HEMK2: variants seen among roughly 807,000 people sequenced by gnomAD.
HEMK2 encodes methyltransferase HEMK2.
At chr21:28,878,176 A>T in the HEMK2 span, 1 of 1,521,240 alleles carries the variant, frequency 6.6e-7, no homozygotes, top group South Asian at 1.2e-5. Flanking sequence ...TTAAACAATA[A>T]ATTGGTCTGT....
the HEMK2 span, among the ~76,000 whole-genome samples, chr21:28,717,827 T>C: frequency 1.3e-3 from 196 of 152,258 alleles, no homozygotes; most frequent in African/African-American, 4.5e-3. Context: ...CTCTTTTTTC[T>C]TTGTTAGTCT....
chr21:28,866,175 A>AAAAAAAAAACAAAC, the HEMK2 span, among the ~76,000 whole-genome samples: 1 of 76,234 alleles, frequency 1.3e-5, no homozygotes, highest in Non-Finnish European at 2.5e-5. Flanking sequence ...CAAAAAAAAA[A>AAAAAAAAAACAAAC]ACACACACAC....
the HEMK2 span, among the ~76,000 whole-genome samples, chr21:28,884,253 A>C: frequency 1.3e-5 from 2 of 152,268 alleles, no homozygotes; most frequent in Non-Finnish European, 2.9e-5. Context: ...AGAAAAGACA[A>C]GTTATAAAAC....
the HEMK2 span, among the ~76,000 whole-genome samples, chr21:28,679,151 T>A: frequency 6.6e-6 from 1 of 152,044 alleles, no homozygotes; most frequent in Admixed American, 6.5e-5. Context: ...AGGAAACCCA[T>A]CTCACATGCA....
chr21:28,863,447 T>C, the HEMK2 span, among the ~76,000 whole-genome samples: 4 of 93,402 alleles, frequency 4.3e-5, no homozygotes, highest in African/African-American at 1.8e-4. Context: ...TATATATATA[T>C]ATATATATAT....
chr21:28,839,762 G>C, the HEMK2 span, among the ~76,000 whole-genome samples: 1 of 152,116 alleles, frequency 6.6e-6, no homozygotes, highest in Non-Finnish European at 1.5e-5. Context: ...TGGATAGGCA[G>C]AATCAATATT....
At chr21:28,628,206 T>C in the HEMK2 span, among the ~76,000 whole-genome samples, 1 of 152,210 alleles carries the variant, frequency 6.6e-6, no homozygotes, top group African/African-American at 2.4e-5. Context: ...TATGTATGTA[T>C]ACAATACATA....
the HEMK2 span, among the ~76,000 whole-genome samples, chr21:28,714,805 T>C: frequency 2.0e-5 from 3 of 152,136 alleles, no homozygotes; most frequent in East Asian, 5.8e-4. Context: ...CTCTCCCCTC[T>C]AGTAGTCCCC....
chr21:28,841,362 TTATATAAAATATTATATATAA>T, the HEMK2 span, among the ~76,000 whole-genome samples: 7 of 16,674 alleles, frequency 4.2e-4, no homozygotes, highest in South Asian at 1.5e-3. Context: ...ATATTATATA[TTATATAAAATATTATATATAA>T]TATATAAAAT....
the HEMK2 span, among the ~76,000 whole-genome samples, chr21:28,754,784 C>T: frequency 2.6e-5 from 4 of 152,098 alleles, no homozygotes; most frequent in Non-Finnish European, 5.9e-5. Flanking sequence ...TTGGGCTTAA[C>T]AGGGACTATA....
the HEMK2 span, among the ~76,000 whole-genome samples, chr21:28,605,719 T>C: frequency 4.6e-5 from 7 of 152,232 alleles, no homozygotes; most frequent in Non-Finnish European, 4.4e-5. Context: ...TGTGAGTTAA[T>C]CCATGTATCG....
the HEMK2 span, among the ~76,000 whole-genome samples, chr21:28,624,885 C>T: frequency 6.6e-6 from 1 of 152,182 alleles, no homozygotes. Context: ...AGACCTAGGC[C>T]TAGGCGAGGC....
At chr21:28,803,133 C>T in the HEMK2 span, among the ~76,000 whole-genome samples, 1 of 152,056 alleles carries the variant, frequency 6.6e-6, no homozygotes, top group African/African-American at 2.4e-5. Context: ...AATGTCATTC[C>T]CAAAGGGAAG....
chr21:28,876,310 A>C, the HEMK2 span: 7 of 975,754 alleles, frequency 7.2e-6, no homozygotes, highest in Non-Finnish European at 1.1e-5. Flanking sequence ...ATTCCTTGTT[A>C]CCTAATGAAT....
chr21:28,767,692 T>C, the HEMK2 span, among the ~76,000 whole-genome samples: 1 of 152,144 alleles, frequency 6.6e-6, no homozygotes, highest in Non-Finnish European at 1.5e-5. Context: ...AAACAGGTCT[T>C]ACTCTATAGT....
At chr21:28,810,042 G>GCCT in the HEMK2 span, among the ~76,000 whole-genome samples, 1 of 152,166 alleles carries the variant, frequency 6.6e-6, no homozygotes, top group African/African-American at 2.4e-5. Flanking sequence ...AATGCCTGGA[G>GCCT]CCTCCATGGC....
At chr21:28,726,239 T>C in the HEMK2 span, among the ~76,000 whole-genome samples, 1 of 152,096 alleles carries the variant, frequency 6.6e-6, no homozygotes, top group Non-Finnish European at 1.5e-5. Flanking sequence ...TTTTAAGTTT[T>C]ATTTGGGGAA....
At chr21:28,685,568 C>T in the HEMK2 span, among the ~76,000 whole-genome samples, 1 of 152,096 alleles carries the variant, frequency 6.6e-6, no homozygotes, top group Admixed American at 6.5e-5. Context: ...CTTACAGAAG[C>T]CAGTTTGGTT....
the HEMK2 span, among the ~76,000 whole-genome samples, chr21:28,868,530 A>G: frequency 3.9e-5 from 6 of 152,080 alleles, no homozygotes; most frequent in Non-Finnish European, 7.4e-5. Context: ...TAAAAATACA[A>G]AAAATTAGCT....
Sources: gnomAD v4.1 joint callset for allele counts (sites outside exome capture counted in the v4.1 genomes callset) on GRCh38, gnomAD v4.1.1 for gene constraint, MANE v1.5 for transcripts, NCBI Gene and HGNC (gene_info 2026-07-23, HGNC 2026-07-21) for gene names.